OPALIN: variants seen among roughly 807,000 people sequenced by gnomAD.
The protein encoded by OPALIN is transmembrane protein 10.
OPALIN carries 15 observed loss-of-function variants against 17.8 expected under a neutral mutation model. That is an observed-to-expected ratio of 0.84 (90% CI 0.56 to 1.29). The LOEUF is 1.29. OPALIN is among the 50% of genes most tolerant of loss of function. The probability of loss-of-function intolerance (pLI) is 0.00; values close to 1 mark genes in which losing one functional copy is unlikely to be tolerated. For missense variants in OPALIN, 170 were observed against 176.0 expected (o/e 0.97, Z 0.19); for synonymous variants, 62 against 63.8 (o/e 0.97, Z 0.14).
rs754460256 is a variant in OPALIN, at chr10:96,351,426, A to G, written c.40-16T>C. Reference sequence around the variant, plus strand: ...GAGAGGACGTCTGTATGGAAAAAGAACATATATTGTAAAAGAACAAAAAGT... The same window carrying G: ...GAGAGGACGTCTGTATGGAAAAAGAGCATATATTGTAAAAGAACAAAAAGT... On this transcript the variant is annotated splice_polypyrimidine_tract_variant and intron_variant, in intron 2 of 5. Transcript: ENST00000371172. The G allele has an allele frequency of 6.6e-7, 1 of 1,518,090 alleles. No individual in the cohort carries two copies. The highest frequency in any genetic ancestry group is 1.2e-5 in the South Asian group (1 of 80,308). The allele number at this position is 1,518,090 out of a possible 1,614,324, so 94.0% of individuals were successfully genotyped here.
intron 2 of OPALIN, among the ~76,000 whole-genome samples, chr10:96,354,185 A>C (rs1845708917): frequency 6.6e-6 from 1 of 152,174 alleles, no homozygotes; most frequent in South Asian, 2.1e-4. Flanking sequence ...GCTACTGATC[A>C]GATAACAACC....
At chr10:96,354,570 T>C (rs1845724536) in intron 2 of OPALIN, among the ~76,000 whole-genome samples, 6 of 152,146 alleles carry the variant, frequency 3.9e-5, no homozygotes, top group Admixed American at 3.9e-4. Context: ...CATTTAGATA[T>C]AAAATTATAT....
intron 2 of OPALIN, among the ~76,000 whole-genome samples, chr10:96,354,300 C>T (rs1308781173): frequency 6.6e-6 from 1 of 152,112 alleles, no homozygotes; most frequent in Non-Finnish European, 1.5e-5. Context: ...TTTTGACTTG[C>T]AACTAAATGC....
Position 96,348,365 on chromosome 10 carries a change from A to T in OPALIN, c.193-20T>A, listed in dbSNP as rs527973405. 6.4e-5 allele frequency: 78 copies of T among 1,221,908 alleles called. No homozygotes were observed. The South Asian group carries it at 9.6e-4, about 15-fold the overall frequency. The allele number at this position is 1,221,908 out of a possible 1,614,324, so 75.7% of individuals were successfully genotyped here. A position where few individuals can be genotyped will look rare whatever the true frequency, so the allele number is the denominator to read the frequency against. On this transcript the variant is annotated intron_variant, in intron 4 of 5. Transcript: ENST00000371172. Reference sequence around the variant, plus strand: ...ACTTTCCTAAATTGGAAAAAATATAATAATAAAAGAAAGAAAGAAGAAGAA... The same window carrying T: ...ACTTTCCTAAATTGGAAAAAATATATTAATAAAAGAAAGAAAGAAGAAGAA...
chr10:96,350,249 T>C (rs890296388), intron 3 of OPALIN, among the ~76,000 whole-genome samples: 14 of 152,208 alleles, frequency 9.2e-5, no homozygotes, highest in African/African-American at 3.4e-4. Context: ...GGAGTCTTGC[T>C]CTGTTGCCCA....
chr10:96,355,355 CA>C (rs1383362371), intron 1 of OPALIN, 65 bp from the exon 2 acceptor site: 2 of 1,453,140 alleles, frequency 1.4e-6, no homozygotes, highest in African/African-American at 2.8e-5. Flanking sequence ...CTCACTTCCT[CA>C]AACTCACTGA....
chr10:96,358,186 T>TAAAAAAAAAAAAAAAAAA (rs61616596), intron 1 of OPALIN, among the ~76,000 whole-genome samples: 7 of 61,588 alleles, frequency 1.1e-4, no homozygotes, highest in African/African-American at 3.6e-4. Context: ...ATGCTTTTTG[T>TAAAAAAAAAAAAAAAAAA]AAAAAAAAAA....
intron 3 of OPALIN, 73 bp from the exon 4 acceptor site, chr10:96,349,899 A>C: frequency 1.4e-6 from 2 of 1,451,146 alleles, no homozygotes; most frequent in Admixed American, 5.6e-5. Flanking sequence ...ATTCAATAGA[A>C]TAAAAATAAA....
rs1845188896 is a variant in OPALIN at position 96,343,681 on chromosome 10, T to C, written c.*2260A>G. ...GAATGTCTGTTTAAAAATGGCTAAA[T>C]CTGCTTGTTTAAGGTAATTAGATCC... is the stretch of plus-strand genomic sequence containing the variant. On this transcript the variant is annotated 3_prime_UTR_variant, in exon 6 of 6. Transcript: ENST00000371172. The C allele has an allele frequency of 6.6e-6, 1 of 152,182 alleles. No individual in the cohort carries two copies. The highest frequency in any genetic ancestry group is 2.4e-5 in the African/African-American group (1 of 41,438). 9.4% of individuals were successfully genotyped at this position (152,182 alleles called of 1,614,324 possible). A position where few individuals can be genotyped will look rare whatever the true frequency, so the allele number is the denominator to read the frequency against.
At chr10:96,356,373 A>G (rs1200835497) in intron 1 of OPALIN, among the ~76,000 whole-genome samples, 2 of 152,248 alleles carry the variant, frequency 1.3e-5, no homozygotes, top group African/African-American at 4.8e-5. Context: ...TGAAACATTA[A>G]AGAATCCAAA....
chr10:96,355,342 T>C (rs1323857658), intron 1 of OPALIN, 52 bp from the exon 2 acceptor site: 1 of 1,522,596 alleles, frequency 6.6e-7, no homozygotes, highest in Non-Finnish European at 9.1e-7. Flanking sequence ...AGCAAGCTCC[T>C]TCCTCACTTC....
At chr10:96,349,895 T>C (rs1845505843) in intron 3 of OPALIN, 69 bp from the exon 4 acceptor site, 4 of 1,468,426 alleles carry the variant, frequency 2.7e-6, no homozygotes, top group Non-Finnish European at 3.6e-6. Context: ...AAAAATTCAA[T>C]AGAATAAAAA....
intron 1 of OPALIN, among the ~76,000 whole-genome samples, chr10:96,356,114 C>T (rs1284462354): frequency 6.6e-6 from 1 of 152,158 alleles, no homozygotes; most frequent in African/African-American, 2.4e-5. Flanking sequence ...CCCCTCTTTC[C>T]CTGGGTGGAA....
intron 2 of OPALIN, among the ~76,000 whole-genome samples, chr10:96,354,105 AG>A (rs1845705800): frequency 6.6e-6 from 1 of 152,188 alleles, no homozygotes; most frequent in Non-Finnish European, 1.5e-5. Flanking sequence ...ACAACTTATC[AG>A]AAAAATGTGG....
rs1845200757 is a variant in OPALIN at position 96,343,936 on chromosome 10, G to C, written c.*2005C>G. The stretch of plus-strand genomic sequence containing the variant: ...CCCTGGACCCAGGCCTTCCCACTGG[G>C]AGGCCTGGCCTGCTAGAGGGCAATG... On this transcript the variant is annotated 3_prime_UTR_variant, in exon 6 of 6. Coordinates refer to ENST00000371172, the MANE Select transcript of OPALIN (RefSeq NM_033207.5). 6.6e-6 allele frequency: 1 copy of C among 152,206 alleles called. No homozygotes were observed. The highest frequency in any genetic ancestry group is 1.5e-5 in the Non-Finnish European group (1 of 68,050). 9.4% of individuals were successfully genotyped at this position (152,206 alleles called of 1,614,324 possible). A position where few individuals can be genotyped will look rare whatever the true frequency, so the allele number is the denominator to read the frequency against.
At chr10:96,355,752 G>A (rs1447101893) in intron 1 of OPALIN, among the ~76,000 whole-genome samples, 1 of 152,222 alleles carries the variant, frequency 6.6e-6, no homozygotes, top group Non-Finnish European at 1.5e-5. Flanking sequence ...AAGAACACCT[G>A]ATCCTTACCC....
intron 1 of OPALIN, chr10:96,356,919 C>G (rs976511799): frequency 4.7e-5 from 46 of 985,212 alleles, no homozygotes; most frequent in Non-Finnish European, 5.3e-5. Flanking sequence ...CCTGAGTGTC[C>G]CGGTGACAAC....
chr10:96,351,304 G>T (rs1845567726), intron 3 of OPALIN, 74 bp downstream of exon 3: 2 of 933,186 alleles, frequency 2.1e-6, no homozygotes, highest in Non-Finnish European at 3.3e-6. Flanking sequence ...AAACTTTAAA[G>T]CTCAAAACAA....
intron 2 of OPALIN, among the ~76,000 whole-genome samples, chr10:96,352,596 T>A (rs947480763): frequency 6.6e-6 from 1 of 151,104 alleles, no homozygotes; most frequent in African/African-American, 2.4e-5. Flanking sequence ...TAAGGTGCTC[T>A]AAGGGTAGTA....
Sources: allele counts gnomAD v4.1 joint callset (sites outside exome capture counted in the v4.1 genomes callset), GRCh38; gene constraint gnomAD v4.1.1; transcripts MANE v1.5; gene names NCBI Gene and HGNC (gene_info 2026-07-23, HGNC 2026-07-21).